The following PPFIBP2 variants were observed in gnomAD, a reference collection of about 807,000 sequenced individuals.
PPFIBP2 encodes the protein liprin-beta-2.
PPFIBP2 carries 118 observed loss-of-function variants against 118.3 expected under a neutral mutation model. The observed-to-expected ratio is 1.00, with a 90% CI of 0.86 to 1.16. The LOEUF (loss-of-function observed/expected upper bound fraction) is 1.16, where lower values mean the gene tolerates loss of function less well. Ranked by LOEUF, PPFIBP2 falls within the 50% of genes most tolerant of loss-of-function variation. PPFIBP2 has a pLI of 0.00. For missense variants in PPFIBP2, 1,195 were observed against 1,073.1 expected, an observed-to-expected ratio of 1.11 and a Z score of -1.59; for synonymous variants, 414 against 397.4, an observed-to-expected ratio of 1.04 and a Z score of -0.50.
In PPFIBP2 at chr11:7,600,414, G is replaced by T. The variant is rs80025710; in HGVS notation, c.486+2741G>T. On this transcript the variant is annotated intron_variant, in intron 5 of 23. Coordinates refer to ENST00000299492, the MANE Select transcript of PPFIBP2 (RefSeq NM_003621.5). ...CCACAGTGCTGATGCAATATCTCTG[G>T]CTTGGAGTATGTGTGTATTCTCTGA... is the stretch of plus-strand genomic sequence containing the variant. Among the ~76,000 whole-genome samples the T allele has an allele frequency of 3.1e-3, 465 of 152,332 alleles. 2 individuals carry two copies. The highest frequency in any genetic ancestry group is 0.011 in the African/African-American group (445 of 41,572).
At chr11:7,562,146 G>A (rs553674997) in intron 2 of PPFIBP2, among the ~76,000 whole-genome samples, 8 of 152,348 alleles carry the variant, frequency 5.3e-5, no homozygotes, top group Middle Eastern at 3.4e-3. Flanking sequence ...GAGCTCAGGC[G>A]TAATGCTCAT....
chr11:7,590,042 T>C (rs931327364), intron 3 of PPFIBP2, among the ~76,000 whole-genome samples: 2 of 152,240 alleles, frequency 1.3e-5, no homozygotes, highest in African/African-American at 4.8e-5. Flanking sequence ...CAGAACGTGA[T>C]TGAACCTGTT....
intron 1 of PPFIBP2, chr11:7,539,569 C>T (rs1851560997): frequency 6.6e-6 from 1 of 152,318 alleles, no homozygotes; most frequent in South Asian, 2.1e-4. Flanking sequence ...TTCATTTTCT[C>T]CCTTTTAGAA....
chr11:7,535,381 C>G (rs2134380744), intron 1 of PPFIBP2, among the ~76,000 whole-genome samples: 1 of 152,308 alleles, frequency 6.6e-6, no homozygotes, highest in Non-Finnish European at 1.5e-5. Flanking sequence ...GCTGGGGTAT[C>G]AGGAACCCAG....
chr11:7,645,378 T>C (rs112250298), intron 17 of PPFIBP2, among the ~76,000 whole-genome samples: 3 of 152,220 alleles, frequency 2.0e-5, no homozygotes, highest in African/African-American at 7.2e-5. Flanking sequence ...TAATGAACTG[T>C]AAATTATAAA....
rs369683208 is a variant in PPFIBP2, at chr11:7,514,635, C to G, written c.-37+514C>G. On this transcript the variant is annotated intron_variant, in intron 1 of 23. Coordinates refer to ENST00000299492, the MANE Select transcript of PPFIBP2 (RefSeq NM_003621.5). ...AGTGTAAGTGCAAAAATACAGCACA[C>G]TTTTTAAAATCTAAAGCCGCCGCGT... 4.6e-5 allele frequency among the ~76,000 whole-genome samples: 7 copies of G among 152,306 alleles called. No individual in the cohort carries two copies. The South Asian group carries it at 1.5e-3, about 32-fold the overall frequency.
intron 3 of PPFIBP2, among the ~76,000 whole-genome samples, chr11:7,590,943 A>G (rs988718699): frequency 6.6e-6 from 1 of 152,118 alleles, no homozygotes; most frequent in Non-Finnish European, 1.5e-5. Flanking sequence ...TAGGCAATTG[A>G]TTTGATTTTA....
chr11:7,556,819 A>G (rs1265918489), intron 2 of PPFIBP2, among the ~76,000 whole-genome samples: 1 of 152,216 alleles, frequency 6.6e-6, no homozygotes, highest in South Asian at 2.1e-4. Flanking sequence ...TTTATTGCTA[A>G]TGAGAAGTCT....
Position 7,653,223 on chromosome 11 carries a change from C to T in PPFIBP2, c.*5C>T, listed in dbSNP as rs1325689482. Reference sequence around the variant, plus strand: ...CAGGTGGGACAGATTAGCTGATGCCCTTGTCACCTGCCCTCTGTGCACCCT... The same window carrying T: ...CAGGTGGGACAGATTAGCTGATGCCTTTGTCACCTGCCCTCTGTGCACCCT... On this transcript the variant is annotated 3_prime_UTR_variant, in exon 24 of 24. Coordinates refer to ENST00000299492, the MANE Select transcript of PPFIBP2 (RefSeq NM_003621.5). 2 of 1,613,898 alleles carry T rather than the reference C, an allele frequency of 1.2e-6. No individual in the cohort carries two copies. The highest frequency in any genetic ancestry group is 1.3e-5 in the African/African-American group (1 of 74,936).
chr11:7,553,781 C>T (rs1471447632), intron 2 of PPFIBP2, among the ~76,000 whole-genome samples: 1 of 152,118 alleles, frequency 6.6e-6, no homozygotes, highest in East Asian at 1.9e-4. Context: ...TTTTTACCCC[C>T]CAAGATCATA....
At chr11:7,639,571 T>A (rs1013600908) in intron 14 of PPFIBP2, among the ~76,000 whole-genome samples, 161 bp from the exon 15 acceptor site, 11 of 152,188 alleles carry the variant, frequency 7.2e-5, no homozygotes, top group African/African-American at 2.4e-4. Flanking sequence ...GGAACTCTGG[T>A]CCCCTTTCTC....
At chr11:7,538,710 A>G (rs1368345125) in intron 1 of PPFIBP2, among the ~76,000 whole-genome samples, 1 of 147,994 alleles carries the variant, frequency 6.8e-6, no homozygotes, top group Non-Finnish European at 1.5e-5. Flanking sequence ...CTCGCCTGAC[A>G]GGGAGTGGCT....
intron 17 of PPFIBP2, among the ~76,000 whole-genome samples, chr11:7,644,906 A>G (rs1030133562): frequency 6.6e-6 from 1 of 151,024 alleles, no homozygotes; most frequent in Non-Finnish European, 1.5e-5. Context: ...GGGCGCCTGT[A>G]GTCCCAGCTA....
intron 7 of PPFIBP2, among the ~76,000 whole-genome samples, chr11:7,625,467 A>G (rs1849868285): frequency 6.6e-6 from 1 of 152,254 alleles, no homozygotes; most frequent in Admixed American, 6.5e-5. Context: ...CATTGCACAC[A>G]ATCCCAGCTC....
chr11:7,548,696 T>C (rs1852605378), intron 1 of PPFIBP2, among the ~76,000 whole-genome samples: 1 of 152,164 alleles, frequency 6.6e-6, no homozygotes, highest in Non-Finnish European at 1.5e-5. Context: ...AGTTCCCCTT[T>C]GCTATAGCTA....
chr11:7,621,034 G>A lies in PPFIBP2; in HGVS notation c.711+7G>A, dbSNP rs771572698. ...GAAGCTAAAGGCCACTAAGGTAAACGGCACTCCTGATGCTTATGGAGAGAG... is the reference window on the plus strand; with the variant it reads ...GAAGCTAAAGGCCACTAAGGTAAACAGCACTCCTGATGCTTATGGAGAGAG... On this transcript the variant is annotated splice_region_variant and intron_variant, in intron 7 of 23. Transcript: ENST00000299492. 4 of 1,585,450 alleles carry A rather than the reference G, an allele frequency of 2.5e-6. No individual in the cohort carries two copies. Among genetic ancestry groups the A allele is most frequent in the Admixed American group, 1.7e-5 (1 of 59,976 alleles).
chr11:7,575,050 CAG>C (rs1856120326), intron 3 of PPFIBP2, among the ~76,000 whole-genome samples: 1 of 152,112 alleles, frequency 6.6e-6, no homozygotes, highest in Admixed American at 6.6e-5. Flanking sequence ...GTTGAGCTAA[CAG>C]AGGAAATGGG....
rs1170135850 is a variant in PPFIBP2, at chr11:7,521,988, A to G, written c.-37+7867A>G. On this transcript the variant is annotated intron_variant, in intron 1 of 23. Transcript: ENST00000299492. Reference sequence around the variant, plus strand: ...GGAAGGCCTTGAAAGTTGGAGCTATATAATTTAAATTTTATTCTGATGACA... The same window carrying G: ...GGAAGGCCTTGAAAGTTGGAGCTATGTAATTTAAATTTTATTCTGATGACA... Among the ~76,000 whole-genome samples the G allele has an allele frequency of 2.0e-5, 3 of 152,176 alleles. No homozygotes were observed. The South Asian group carries it at 6.2e-4, about 32-fold the overall frequency.
chr11:7,654,917 G>C (rs538052745), downstream of PPFIBP2, among the ~76,000 whole-genome samples: 1 of 152,168 alleles, frequency 6.6e-6, no homozygotes, highest in African/African-American at 2.4e-5. Context: ...CAAATCTACA[G>C]TGTCTAAGTA....
Sources: allele counts gnomAD v4.1 joint callset (sites outside exome capture counted in the v4.1 genomes callset), GRCh38; gene constraint gnomAD v4.1.1; transcripts MANE v1.5; gene names NCBI Gene and HGNC (gene_info 2026-07-23, HGNC 2026-07-21).